The following LRCH3 variants were observed in gnomAD, a reference collection of about 807,000 sequenced individuals.
LRCH3 encodes the protein DISP complex protein LRCH3.
LRCH3 carries 68 observed loss-of-function variants against 104.5 expected under a neutral mutation model. The ratio of observed to expected loss-of-function variants is 0.65; its 90% CI spans 0.54 to 0.80. The LOEUF (loss-of-function observed/expected upper bound fraction) is 0.80. Ranked by LOEUF, LRCH3 falls within the 30% of genes least tolerant of loss-of-function variation. LRCH3 has a pLI of 0.00. For synonymous variants in LRCH3, 344 were observed against 361.3 expected (o/e 0.95, Z 0.54); for missense variants, 951 against 953.9 (o/e 1.00, Z 0.04).
At chr3:197,822,121 A>T (rs2109226036) in intron 4 of LRCH3, among the ~76,000 whole-genome samples, 1 of 152,300 alleles carries the variant, frequency 6.6e-6, no homozygotes, top group South Asian at 2.1e-4. Context: ...TAAGAACGTG[A>T]CCTTTTCAGT....
chr3:197,870,881 T>C (rs80055684), intron 18 of LRCH3, among the ~76,000 whole-genome samples: 3,159 of 152,344 alleles, frequency 0.021, 186 homozygotes, highest in Admixed American at 0.12. Context: ...ACTTAGAAAA[T>C]GAGATAGATG....
intron 20 of LRCH3, chr3:197,881,977 A>G: frequency 3.0e-6 from 3 of 985,436 alleles, no homozygotes; most frequent in Non-Finnish European, 3.6e-6. Flanking sequence ...TGAAAACTTC[A>G]GTTTTCTGTG....
At chr3:197,821,760 GA>G (rs1197902405) in intron 4 of LRCH3, among the ~76,000 whole-genome samples, 1 of 152,140 alleles carries the variant, frequency 6.6e-6, no homozygotes, top group African/African-American at 2.4e-5. Flanking sequence ...CTGCAGCCTC[GA>G]CCTCTCAGGT....
At chr3:197,827,595 T>G (rs1735374553) in intron 5 of LRCH3, among the ~76,000 whole-genome samples, 1 of 152,232 alleles carries the variant, frequency 6.6e-6, no homozygotes, top group African/African-American at 2.4e-5. Context: ...AGCCTTGAAT[T>G]AATGGATTAG....
rs780269306 is a variant in LRCH3, at chr3:197,847,872, C to A, written c.1381C>A (p.Leu461Met). The change falls in exon 12 of 21, where the codon CTG (leucine) becomes ATG (methionine). Residue 461 changes from leucine (L) to methionine (M), a missense_variant and splice_region_variant. Coordinates refer to ENST00000425562, the MANE Select transcript of LRCH3 (RefSeq NM_001365715.1). ...LLSLSASHNQ[L>M]SHTDLELHQR... ...ATGCACAATAACGCTTTGGTTCCAGCTGTCACACACAGACCTGGAACTTCA... is the reference window on the plus strand; with the variant it reads ...ATGCACAATAACGCTTTGGTTCCAGATGTCACACACAGACCTGGAACTTCA... 6.2e-7 allele frequency: 1 copy of A among 1,613,314 alleles called. No individual in the cohort carries two copies. Among genetic ancestry groups the A allele is most frequent in the Admixed American group, 1.7e-5 (1 of 59,792 alleles).
intron 5 of LRCH3, among the ~76,000 whole-genome samples, chr3:197,827,281 GAAGCATCAGGTAAACCATAA>G (rs1580678295): frequency 6.6e-6 from 1 of 152,028 alleles, no homozygotes; most frequent in Non-Finnish European, 1.5e-5. Context: ...AACCATAGTG[GAAGCATCAGGTAAACCATAA>G]TGGAAGCATC....
At chr3:197,834,990 A>T (rs1416812341) in intron 8 of LRCH3, among the ~76,000 whole-genome samples, 2 of 152,018 alleles carry the variant, frequency 1.3e-5, no homozygotes, top group African/African-American at 4.8e-5. Flanking sequence ...CTAAAAATAC[A>T]AAAGTTAGCC....
intron 10 of LRCH3, among the ~76,000 whole-genome samples, chr3:197,840,191 A>G (rs936981683): frequency 6.6e-6 from 1 of 152,072 alleles, no homozygotes; most frequent in African/African-American, 2.4e-5. Flanking sequence ...TAATGCCAGC[A>G]CTTTGGGAGG....
chr3:197,869,008 AAAG>A (rs769878679), intron 17 of LRCH3, among the ~76,000 whole-genome samples: 1 of 152,260 alleles, frequency 6.6e-6, no homozygotes, highest in Non-Finnish European at 1.5e-5. Context: ...TAATCAAACA[AAAG>A]TAGTTGAGTC....
At chr3:197,836,545 G>A (rs1237864849) in intron 9 of LRCH3, among the ~76,000 whole-genome samples, 3 of 152,148 alleles carry the variant, frequency 2.0e-5, no homozygotes, top group Non-Finnish European at 2.9e-5. Flanking sequence ...AGAAACACTT[G>A]GGCCCTTTTA....
intron 4 of LRCH3, 79 bp downstream of exon 4, chr3:197,820,509 A>G: frequency 1.0e-6 from 1 of 983,366 alleles, no homozygotes; most frequent in Non-Finnish European, 1.6e-6. Flanking sequence ...CAAGACAAAA[A>G]TGTATAAGGG....
At chr3:197,871,714 C>G (rs1323003096) in intron 19 of LRCH3, 4 of 352,634 alleles carry the variant, frequency 1.1e-5, no homozygotes, top group Admixed American at 4.7e-5. Context: ...CTTAACTCCA[C>G]CTGGAGAGTT....
At chr3:197,814,210 A>AAAGTGC (rs1162617542) in intron 1 of LRCH3, among the ~76,000 whole-genome samples, 30 of 152,316 alleles carry the variant, frequency 2.0e-4, no homozygotes, top group African/African-American at 5.8e-4. Flanking sequence ...GGCAAAAGGC[A>AAAGTGC]CTTACTTACA....
chr3:197,826,186 G>C (rs996032538), intron 4 of LRCH3, among the ~76,000 whole-genome samples: 2 of 152,184 alleles, frequency 1.3e-5, no homozygotes, highest in African/African-American at 4.8e-5. Flanking sequence ...TATTTTATTA[G>C]AAGAAATTCT....
intron 1 of LRCH3, among the ~76,000 whole-genome samples, chr3:197,806,582 A>G (rs1732504950): frequency 6.6e-6 from 1 of 151,910 alleles, no homozygotes; most frequent in Non-Finnish European, 1.5e-5. Context: ...GGTCTCTAAG[A>G]AAAGGGCATA....
upstream of LRCH3, chr3:197,791,251 G>A (rs753494075): frequency 1.2e-6 from 2 of 1,604,382 alleles, no homozygotes; most frequent in South Asian, 1.1e-5. Flanking sequence ...GCGCTGAGCT[G>A]GCGGGCCCGA....
chr3:197,821,999 A>C (rs186840582), intron 4 of LRCH3, among the ~76,000 whole-genome samples: 1 of 152,236 alleles, frequency 6.6e-6, no homozygotes, highest in African/African-American at 2.4e-5. Flanking sequence ...TTAACTAATG[A>C]TGTTTTCGCT....
intron 4 of LRCH3, 91 bp from the exon 5 acceptor site, chr3:197,826,785 CTA>C: frequency 1.4e-6 from 2 of 1,450,198 alleles, no homozygotes; most frequent in East Asian, 4.5e-5. Context: ...GAGTAAATAT[CTA>C]TGTTAAAATC....
At chr3:197,872,486 C>T (rs1712330147) in intron 19 of LRCH3, among the ~76,000 whole-genome samples, 1 of 151,706 alleles carries the variant, frequency 6.6e-6, no homozygotes. Flanking sequence ...GTCCCAGCTA[C>T]TTGGGAGCCT....
Sources: allele counts gnomAD v4.1 joint callset (sites outside exome capture counted in the v4.1 genomes callset), GRCh38; gene constraint gnomAD v4.1.1; transcripts MANE v1.5; gene names NCBI Gene and HGNC (gene_info 2026-07-23, HGNC 2026-07-21).